LATS2: variants seen among roughly 807,000 people sequenced by gnomAD.
LATS2 encodes large tumor suppressor kinase 2.
In LATS2, 24 loss-of-function variants were observed where a neutral mutation model predicts 76.0. The ratio of observed to expected loss-of-function variants is 0.32; its 90% CI spans 0.23 to 0.44. The LOEUF is 0.44. LATS2 is among the 20% of genes least tolerant of loss of function. The pLI, the probability that LATS2 is intolerant of heterozygous loss-of-function variation, is 1.00. For missense variants in LATS2, 1,286 were observed against 1,481.2 expected, an observed-to-expected ratio of 0.87 and a Z score of 2.16; for synonymous variants, 692 against 635.4, an observed-to-expected ratio of 1.09 and a Z score of -1.34.
chr13:20,981,613 CGCTGGGCTCCAT>C lies in LATS2; in HGVS notation c.2506_2517del (p.Met836_Ser839del). The C allele has an allele frequency of 1.2e-6, 2 of 1,613,986 alleles. No homozygotes were observed. The highest frequency in any genetic ancestry group is 1.7e-6 in the Non-Finnish European group (2 of 1,179,946). Reference sequence around the variant, plus strand: ...CAGTTAGACACATCATCCCAGAGGTCGCTGGGCTCCATGCTGTCCTGTCTGACATGGCTCCCT... The same window carrying C: ...CAGTTAGACACATCATCCCAGAGGTCGCTGTCCTGTCTGACATGGCTCCCT... On this transcript the variant is annotated inframe_deletion, in exon 6 of 8. Transcript: ENST00000382592.
intron 1 of LATS2, among the ~76,000 whole-genome samples, chr13:21,048,180 C>G (rs1488103834): frequency 6.6e-6 from 1 of 152,144 alleles, no homozygotes; most frequent in Non-Finnish European, 1.5e-5. Context: ...TTTTGAAATA[C>G]CTAACTTTGT....
At chr13:21,019,138 G>C (rs1043145495) in intron 2 of LATS2, among the ~76,000 whole-genome samples, 6 of 151,946 alleles carry the variant, frequency 3.9e-5, no homozygotes, top group African/African-American at 1.5e-4. Context: ...ATTTCCTCCC[G>C]TGTACCTAAT....
intron 2 of LATS2, among the ~76,000 whole-genome samples, chr13:21,021,838 G>A (rs1158577255): frequency 6.6e-6 from 1 of 152,204 alleles, no homozygotes; most frequent in Admixed American, 6.5e-5. Context: ...GAGCCCCAGG[G>A]CACCTTTCAC....
intron 2 of LATS2, among the ~76,000 whole-genome samples, chr13:21,027,050 G>A (rs1273312082): frequency 6.6e-6 from 1 of 151,894 alleles, no homozygotes; most frequent in Non-Finnish European, 1.5e-5. Flanking sequence ...CAAATCTTTT[G>A]CCCATTTTTA....
chr13:20,991,461 A>C lies in LATS2; in HGVS notation c.343-57T>G. The C allele has an allele frequency of 1.2e-6, 2 of 1,604,900 alleles. No homozygotes were observed. Among genetic ancestry groups the C allele is most frequent in the South Asian group, 2.2e-5 (2 of 90,582 alleles). The stretch of plus-strand genomic sequence containing the variant: ...TGTCATCCTAAAACAAAGCCACCAA[A>C]GACTCCCATCCCCACTCCGTGCTGG... On this transcript the variant is annotated intron_variant, in intron 2 of 7. Transcript: ENST00000382592. The surrounding 1 kb of genome is among the most constrained non-coding windows in gnomAD (Gnocchi z 4.9).
chr13:21,027,247 C>G (rs1872343705), intron 2 of LATS2, among the ~76,000 whole-genome samples: 1 of 152,160 alleles, frequency 6.6e-6, no homozygotes. Context: ...CCTTTTACGT[C>G]CCATGAATTT....
intron 2 of LATS2, among the ~76,000 whole-genome samples, chr13:20,999,908 T>G (rs1456723537): frequency 6.9e-6 from 1 of 145,394 alleles, no homozygotes; most frequent in East Asian, 2.0e-4. Flanking sequence ...CACACCTATA[T>G]AGTCCCAGCT....
At chr13:21,058,864 T>C (rs184983946) in intron 1 of LATS2, among the ~76,000 whole-genome samples, 10 of 152,226 alleles carry the variant, frequency 6.6e-5, no homozygotes, top group African/African-American at 1.4e-4. Flanking sequence ...TACAGTTAAA[T>C]AGACGTCATA....
chr13:21,020,578 CA>C (rs1872016633), intron 2 of LATS2, among the ~76,000 whole-genome samples: 1 of 152,166 alleles, frequency 6.6e-6, no homozygotes, highest in Non-Finnish European at 1.5e-5. Context: ...GCTAGATGGC[CA>C]TAAATGTTGT....
At chr13:21,009,633 A>G (rs982008953) in intron 2 of LATS2, among the ~76,000 whole-genome samples, 1 of 152,230 alleles carries the variant, frequency 6.6e-6, no homozygotes, top group African/African-American at 2.4e-5. Context: ...ATTTTTCATC[A>G]TAGCTGTTAC....
intron 2 of LATS2, among the ~76,000 whole-genome samples, chr13:21,001,281 G>A (rs960578057): frequency 6.6e-6 from 1 of 152,174 alleles, no homozygotes; most frequent in Non-Finnish European, 1.5e-5. Flanking sequence ...ACACACACAT[G>A]GCATGGTTTC....
Position 20,987,980 on chromosome 13 carries a change from G to A in LATS2, c.1800C>T (p.Tyr600=), listed in dbSNP as rs540529425. Residue 600 remains tyrosine, a synonymous_variant, in exon 4 of 8, where the codon TAC becomes TAT. Transcript: ENST00000382592. The stretch of plus-strand genomic sequence containing the variant: ...GCTGCTCCATGAAGAACTTAAAGGC[G>A]TATGGCGAGTAGCTCTTGATGCGTG... ...RESRIKSYSP[Y]AFKFFMEQHV... 31 of 1,614,264 alleles carry A rather than the reference G, an allele frequency of 1.9e-5. No homozygotes were observed. Among genetic ancestry groups the A allele is most frequent in the African/African-American group, 5.3e-5 (4 of 75,070 alleles).
In LATS2 at chr13:21,060,221, G is replaced by A. The variant is rs553678999; in HGVS notation, c.-205+1125C>T. On this transcript the variant is annotated intron_variant, in intron 1 of 7. Coordinates refer to ENST00000382592, the MANE Select transcript of LATS2 (RefSeq NM_014572.3). ...TTCACAAACGGGTTTGCTCCAGGCCGCACTCCATCCCCGAGGGAAAGCTCC... is the reference window on the plus strand; with the variant it reads ...TTCACAAACGGGTTTGCTCCAGGCCACACTCCATCCCCGAGGGAAAGCTCC... Among the ~76,000 whole-genome samples, 263 of 152,244 alleles carry A rather than the reference G, an allele frequency of 1.7e-3. 1 individual carries two copies. Among genetic ancestry groups the A allele is most frequent in the African/African-American group, 6.1e-3 (253 of 41,538 alleles).
chr13:21,050,143 G>GATACATACATACATAC (rs1300323573), intron 1 of LATS2, among the ~76,000 whole-genome samples: 1 of 14,872 alleles, frequency 6.7e-5, no homozygotes, highest in African/African-American at 9.4e-5. Context: ...TAGATAGATA[G>GATACATACATACATAC]ATAGATACAT....
At chr13:21,059,069 A>T (rs1172666061) in intron 1 of LATS2, among the ~76,000 whole-genome samples, 1 of 152,220 alleles carries the variant, frequency 6.6e-6, no homozygotes, top group East Asian at 1.9e-4. Flanking sequence ...CTAAGTTAAA[A>T]TTTTAAGCAA....
chr13:20,991,378 C>G lies in LATS2; in HGVS notation c.369G>C (p.Gln123His). The G allele has an allele frequency of 6.2e-7, 1 of 1,614,138 alleles. No individual in the cohort carries two copies. The highest frequency in any genetic ancestry group is 1.3e-5 in the African/African-American group (1 of 75,048). ...CGGCCTCGATGCTCCTGCTGCCAGT[C>G]TGCTTGAGAGCTCGGCCAGCCATCT... ...DQEMAGRALK[Q>H]TGSRSIEAAL... The change falls in exon 3 of 8, where the codon CAG becomes CAC. Residue 123 changes from glutamine to histidine, a missense_variant. By Grantham distance (24) the Gln-to-His change is conservative. Transcript: ENST00000382592. This position sits in a 1 kb window ranked among gnomAD's most constrained non-coding sequence, Gnocchi z 4.9.
At chr13:21,031,430 T>C (rs1300307338) in intron 2 of LATS2, among the ~76,000 whole-genome samples, 1 of 152,232 alleles carries the variant, frequency 6.6e-6, no homozygotes, top group African/African-American at 2.4e-5. Flanking sequence ...TATATTTCAG[T>C]TTACTGGTTC....
intron 1 of LATS2, 127 bp downstream of exon 1, chr13:21,061,219 C>A (rs1186446194): frequency 6.6e-6 from 1 of 151,856 alleles, no homozygotes; most frequent in African/African-American, 2.4e-5. Flanking sequence ...TCGGCCGCCC[C>A]GCCGGGCGCC....
chr13:21,030,591 CAAAAAAA>C (rs374884189), intron 2 of LATS2, among the ~76,000 whole-genome samples: 10 of 25,728 alleles, frequency 3.9e-4, no homozygotes, highest in Non-Finnish European at 4.5e-4. Context: ...GACTCCGTCT[CAAAAAAA>C]AAAAAAAAAA....
Sources: gnomAD v4.1 joint callset for allele counts (sites outside exome capture counted in the v4.1 genomes callset) on GRCh38, gnomAD v4.1.1 for gene constraint, Gnocchi (gnomAD v3.1) non-coding constraint, MANE v1.5 for transcripts, NCBI Gene and HGNC (gene_info 2026-07-23, HGNC 2026-07-21) for gene names.